SUCLG2: variants seen among roughly 807,000 people sequenced by gnomAD.
SUCLG2 encodes succinate-CoA ligase GDP-forming subunit beta.
A neutral mutation model predicts 47.9 loss-of-function variants in SUCLG2; 42 were observed. The observed-to-expected ratio is 0.88, with a 90% CI of 0.69 to 1.14. The LOEUF (loss-of-function observed/expected upper bound fraction) is 1.14, where lower values mean the gene tolerates loss of function less well. Ranked by LOEUF, SUCLG2 falls within the 50% of genes most tolerant of loss-of-function variation. The pLI is 0.00. For synonymous variants in SUCLG2, 195 were observed against 197.3 expected (o/e 0.99, Z 0.10); for missense variants, 571 against 525.9 (o/e 1.09, Z -0.84).
chr3:67,625,700 G>A (rs1559602453), intron 1 of SUCLG2, among the ~76,000 whole-genome samples: 1 of 152,168 alleles, frequency 6.6e-6, no homozygotes, highest in Admixed American at 6.5e-5. Flanking sequence ...TATACCGATG[G>A]CCGGGAAAAT....
At chr3:67,625,183 G>C (rs759084556) in intron 1 of SUCLG2, among the ~76,000 whole-genome samples, 23 of 152,320 alleles carry the variant, frequency 1.5e-4, no homozygotes, top group Non-Finnish European at 2.8e-4. Flanking sequence ...AAAGTATGCT[G>C]TAATGTCAAG....
chr3:67,514,140 T>C, intron 6 of SUCLG2: 1 of 300,600 alleles, frequency 3.3e-6, no homozygotes, highest in Admixed American at 4.1e-5. Context: ...CCTTGATTTG[T>C]TGGACCTATG....
chr3:67,616,903 T>C (rs1454680224), intron 1 of SUCLG2, among the ~76,000 whole-genome samples: 1 of 152,172 alleles, frequency 6.6e-6, no homozygotes, highest in Non-Finnish European at 1.5e-5. Context: ...AACAAGGAAT[T>C]AGATTTAAAC....
At chr3:67,653,144 T>C (rs1258015424) in intron 1 of SUCLG2, among the ~76,000 whole-genome samples, 1 of 152,216 alleles carries the variant, frequency 6.6e-6, no homozygotes, top group African/African-American at 2.4e-5. Flanking sequence ...TCTGTACAAT[T>C]CATGAGTTTT....
chr3:67,381,253 G>A lies in SUCLG2; in HGVS notation c.1184-5394C>T, dbSNP rs72916798. Among the ~76,000 whole-genome samples the A allele has an allele frequency of 9.1e-3, 1,384 of 151,980 alleles. 14 individuals are homozygous for A. Among genetic ancestry groups the A allele is most frequent in the African/African-American group, 0.031 (1,269 of 41,488 alleles). On this transcript the variant is annotated intron_variant, in intron 10 of 10. Transcript: ENST00000307227. ...GTAAAACAGCAGAGAGTGGAAACAG[G>A]TTATTGAAAAAGAAAAGGAAGAAAA...
At chr3:67,636,652 A>C (rs1449555671) in intron 1 of SUCLG2, among the ~76,000 whole-genome samples, 3 of 150,244 alleles carry the variant, frequency 2.0e-5, no homozygotes, top group Non-Finnish European at 4.4e-5. Flanking sequence ...GCACCCAGCC[A>C]CCTGGCTAAT....
chr3:67,521,106 T>C (rs1654568078), intron 4 of SUCLG2, among the ~76,000 whole-genome samples: 1 of 152,230 alleles, frequency 6.6e-6, no homozygotes, highest in African/African-American at 2.4e-5. Flanking sequence ...GTCTCTTCGA[T>C]CACTATATTT....
At chr3:67,432,780 T>C (rs1178451936) in intron 9 of SUCLG2, among the ~76,000 whole-genome samples, 1 of 152,232 alleles carries the variant, frequency 6.6e-6, no homozygotes, top group Non-Finnish European at 1.5e-5. Context: ...GAGAGAATTA[T>C]CAAATAATCA....
chr3:67,400,216 ATAT>A (rs1276688247), intron 10 of SUCLG2, among the ~76,000 whole-genome samples: 2 of 151,884 alleles, frequency 1.3e-5, no homozygotes, highest in African/African-American at 4.8e-5. Flanking sequence ...ATTTTTTAAA[ATAT>A]TTATTGCTAT....
chr3:67,395,632 G>C (rs559407621), intron 10 of SUCLG2, among the ~76,000 whole-genome samples: 5 of 152,244 alleles, frequency 3.3e-5, no homozygotes, highest in African/African-American at 1.2e-4. Flanking sequence ...AGTTAACAAC[G>C]ATACCCAGGA....
chr3:67,442,229 C>G (rs1253309860), intron 9 of SUCLG2, among the ~76,000 whole-genome samples: 1 of 151,998 alleles, frequency 6.6e-6, no homozygotes, highest in Non-Finnish European at 1.5e-5. Flanking sequence ...CCGGGATGGT[C>G]TCGATCTCCT....
chr3:67,558,589 GTTGAA>G (rs1707224023), intron 2 of SUCLG2, among the ~76,000 whole-genome samples: 1 of 152,194 alleles, frequency 6.6e-6, no homozygotes. Flanking sequence ...AGTGAGTTGA[GTTGAA>G]AAGAATAGTT....
At chr3:67,585,332 C>G (rs925803891) in intron 2 of SUCLG2, among the ~76,000 whole-genome samples, 2 of 152,254 alleles carry the variant, frequency 1.3e-5, no homozygotes, top group African/African-American at 4.8e-5. Flanking sequence ...CCAACTCTCT[C>G]TTAAATTAGT....
intron 1 of SUCLG2, among the ~76,000 whole-genome samples, chr3:67,639,981 A>G (rs886291124): frequency 5.3e-5 from 8 of 152,228 alleles, no homozygotes; most frequent in African/African-American, 1.9e-4. Flanking sequence ...AGATAGAGAA[A>G]ACTTTAGAGC....
In SUCLG2 at chr3:67,631,461, C is replaced by CT. The variant is rs200170936; in HGVS notation, c.85-21866dup. Among the ~76,000 whole-genome samples the CT allele has an allele frequency of 2.3e-3, 357 of 152,132 alleles. 6 individuals carry two copies. In the East Asian group the frequency reaches 0.05, roughly 21 times the overall value. The stretch of plus-strand genomic sequence containing the variant: ...TTGCCAACATGGTGAAACCCCGTCT[C>CT]TACCAAAAATACAAAAAGTAGCCGG... On this transcript the variant is annotated intron_variant, in intron 1 of 10. Transcript: ENST00000307227.
intron 2 of SUCLG2, among the ~76,000 whole-genome samples, chr3:67,567,240 TTAAATA>T (rs1015760931): frequency 5.3e-5 from 8 of 151,948 alleles, no homozygotes; most frequent in African/African-American, 1.7e-4. Context: ...AAAAATACTT[TTAAATA>T]TAAAGTAATG....
At chr3:67,613,504 C>G (rs1204277912) in intron 1 of SUCLG2, among the ~76,000 whole-genome samples, 1 of 152,116 alleles carries the variant, frequency 6.6e-6, no homozygotes, top group Non-Finnish European at 1.5e-5. Context: ...TCCCTCCTAC[C>G]CCATCGAAGT....
intron 9 of SUCLG2, among the ~76,000 whole-genome samples, chr3:67,438,806 G>A (rs1703686898): frequency 1.3e-5 from 2 of 152,084 alleles, no homozygotes; most frequent in Non-Finnish European, 1.5e-5. Context: ...TCTACCAGAG[G>A]TACAAAGAGG....
At chr3:67,416,937 G>A (rs1703051293) in intron 9 of SUCLG2, among the ~76,000 whole-genome samples, 1 of 152,080 alleles carries the variant, frequency 6.6e-6, no homozygotes, top group African/African-American at 2.4e-5. Context: ...GCATGGAGAA[G>A]GAATTTATAA....
Sources: allele counts gnomAD v4.1 joint callset (sites outside exome capture counted in the v4.1 genomes callset), GRCh38; gene constraint gnomAD v4.1.1; transcripts MANE v1.5; gene names NCBI Gene and HGNC (gene_info 2026-07-23, HGNC 2026-07-21).